BCL2L14: variants seen among roughly 807,000 people sequenced by gnomAD.
BCL2L14 encodes apoptosis facilitator Bcl-2-like protein 14.
In BCL2L14, 27 loss-of-function variants were observed where a neutral mutation model predicts 35.3. That is an observed-to-expected ratio of 0.76 (90% CI 0.56 to 1.05). The LOEUF is 1.05. Among genes scored for constraint, BCL2L14 ranks in the 50% least tolerant of loss-of-function variants. BCL2L14 has a pLI of 0.00. For synonymous variants in BCL2L14, 139 were observed against 145.9 expected (o/e 0.95, Z 0.34); for missense variants, 377 against 382.6 (o/e 0.99, Z 0.12).
intron 2 of BCL2L14, among the ~76,000 whole-genome samples, chr12:12,086,458 CTT>C (rs1171038394): frequency 1.3e-5 from 2 of 152,236 alleles, no homozygotes; most frequent in Non-Finnish European, 1.5e-5. Flanking sequence ...CGACTGGTCT[CTT>C]ATAGGCTACA....
At chr12:12,092,645 T>C (rs1453475021) in intron 4 of BCL2L14, among the ~76,000 whole-genome samples, 2 of 152,190 alleles carry the variant, frequency 1.3e-5, no homozygotes, top group East Asian at 3.9e-4. Context: ...TTTACTGTTC[T>C]GGCACAGTCC....
intron 1 of BCL2L14, among the ~76,000 whole-genome samples, chr12:12,077,178 C>T (rs1046865851): frequency 4.6e-5 from 7 of 152,158 alleles, no homozygotes; most frequent in Non-Finnish European, 8.8e-5. Context: ...ATCACAGCAG[C>T]TTACATGCCG....
intron 1 of BCL2L14, chr12:12,078,067 G>T (rs1028595911): frequency 2.7e-6 from 1 of 363,988 alleles, no homozygotes; most frequent in African/African-American, 2.1e-5. Flanking sequence ...CTTGCATCCT[G>T]TTGTTTTAGT....
At chr12:12,067,801 T>C (rs1485536509), upstream of BCL2L14, among the ~76,000 whole-genome samples, 2 of 152,216 alleles carry the variant, frequency 1.3e-5, no homozygotes, top group Non-Finnish European at 2.9e-5. Context: ...CTAACATGTG[T>C]TGTGACCTGT....
chr12:12,095,484 C>T (rs889329146), intron 5 of BCL2L14: 1 of 985,284 alleles, frequency 1.0e-6, no homozygotes, highest in Non-Finnish European at 1.2e-6. Context: ...AAACAGACCT[C>T]TTTCCCTTTT....
chr12:12,090,436 C>T (rs1490151583), intron 3 of BCL2L14, among the ~76,000 whole-genome samples: 1 of 151,476 alleles, frequency 6.6e-6, no homozygotes, highest in African/African-American at 2.4e-5. Context: ...TTGAGACCAG[C>T]CTGGCTAACA....
intron 1 of BCL2L14, among the ~76,000 whole-genome samples, chr12:12,078,933 T>C (rs1948844863): frequency 6.6e-6 from 1 of 152,086 alleles, no homozygotes; most frequent in Admixed American, 6.6e-5. Context: ...AGTAGCCGGG[T>C]CTACAGGCGT....
intron 2 of BCL2L14, among the ~76,000 whole-genome samples, chr12:12,085,901 C>T (rs966064689): frequency 2.6e-5 from 4 of 152,300 alleles, no homozygotes; most frequent in Middle Eastern, 3.4e-3. Context: ...TCCAAAACGC[C>T]ACTCCATTAC....
chr12:12,094,494 C>T, intron 4 of BCL2L14, 170 bp from the exon 5 acceptor site: 1 of 1,601,096 alleles, frequency 6.2e-7, no homozygotes, highest in East Asian at 2.2e-5. Flanking sequence ...CAGTACATGC[C>T]CATTCTGGTT....
rs747612503 is a variant in BCL2L14 at position 12,087,275 on chromosome 12, C to A, written c.496C>A (p.Pro166Thr). 1 of 1,614,164 alleles carries A rather than the reference C, an allele frequency of 6.2e-7. No homozygotes were observed. Among genetic ancestry groups the A allele is most frequent in the Non-Finnish European group, 8.5e-7 (1 of 1,180,018 alleles). Residue 166 changes from proline to threonine, a missense_variant, in exon 3 of 6, where the codon CCA (proline) becomes ACA (threonine). Pro to Thr is a conservative substitution (Grantham distance 38). Transcript: ENST00000308721. ...RVAEIVYSWP[P>T]PQATQAGGFK... The stretch of plus-strand genomic sequence containing the variant: ...AGCTGAAATTGTTTACTCCTGGCCA[C>A]CACCACAAGCGACCCAGGCAGGAGG...
At chr12:12,083,909 T>C (rs1948983189) in intron 2 of BCL2L14, among the ~76,000 whole-genome samples, 2 of 152,086 alleles carry the variant, frequency 1.3e-5, no homozygotes, top group East Asian at 1.9e-4. Flanking sequence ...GATCACACCA[T>C]TGCACTCCAG....
At chr12:12,067,379 C>T (rs1316107867), upstream of BCL2L14, among the ~76,000 whole-genome samples, 2 of 152,046 alleles carry the variant, frequency 1.3e-5, no homozygotes, top group Non-Finnish European at 2.9e-5. Flanking sequence ...AGTGAAACCC[C>T]GTCTTTATTA....
At position 12,099,195 on chromosome 12, in the gene BCL2L14, T is replaced by C. The variant is rs1949378814; in HGVS notation, c.*207T>C. 7.2e-6 allele frequency: 4 copies of C among 553,184 alleles called. No individual in the cohort carries two copies. Among genetic ancestry groups the C allele is most frequent in the Non-Finnish European group, 1.3e-5 (4 of 309,154 alleles). 34.3% of individuals were successfully genotyped at this position (553,184 alleles called of 1,614,324 possible). ...GTAGCAGCATCATCCTTGACAGTGA[T>C]GTTTTTCAGGCCCTCCATTGAGAAC... On this transcript the variant is annotated 3_prime_UTR_variant, in exon 6 of 6. Transcript: ENST00000308721.
At chr12:12,066,904 G>T (rs1382259038), upstream of BCL2L14, among the ~76,000 whole-genome samples, 1 of 152,106 alleles carries the variant, frequency 6.6e-6, no homozygotes. Flanking sequence ...TAGAGACGGG[G>T]TTTCGCTGTG....
chr12:12,059,742 T>C (rs1304345490), intron 2 of BCL2L14, among the ~76,000 whole-genome samples: 1 of 152,050 alleles, frequency 6.6e-6, no homozygotes, highest in Non-Finnish European at 1.5e-5. Flanking sequence ...CCTCTTCAAC[T>C]CTCACCTGAC....
chr12:12,094,572 G>T (rs760547461), intron 4 of BCL2L14, 92 bp from the exon 5 acceptor site: 1 of 1,614,114 alleles, frequency 6.2e-7, no homozygotes, highest in Non-Finnish European at 8.5e-7. Flanking sequence ...CCACAGGATG[G>T]TTTGATGGCC....
At chr12:12,081,379 C>T (rs1490236380) in intron 2 of BCL2L14, among the ~76,000 whole-genome samples, 1 of 149,990 alleles carries the variant, frequency 6.7e-6, no homozygotes, top group African/African-American at 2.5e-5. Flanking sequence ...CACTTGAGCT[C>T]AGGAGGTCAA....
chr12:12,060,293 C>T (rs1223485068), intron 2 of BCL2L14, among the ~76,000 whole-genome samples: 6 of 122,238 alleles, frequency 4.9e-5, no homozygotes, highest in East Asian at 5.5e-4. Flanking sequence ...AATCAGATAG[C>T]GTTTAGGCTC....
At chr12:12,055,391 A>G (rs1029848043) in intron 2 of BCL2L14, 1 of 152,096 alleles carries the variant, frequency 6.6e-6, no homozygotes, top group African/African-American at 2.4e-5. Flanking sequence ...GTGCTGATCT[A>G]CTCTCCAGGA....
Sources: gnomAD v4.1 joint callset for allele counts (sites outside exome capture counted in the v4.1 genomes callset) on GRCh38, gnomAD v4.1.1 for gene constraint, MANE v1.5 for transcripts, NCBI Gene and HGNC (gene_info 2026-07-23, HGNC 2026-07-21) for gene names.